HCN1: variants seen among roughly 807,000 people sequenced by gnomAD.
HCN1 encodes hyperpolarization activated cyclic nucleotide gated potassium channel 1, also known as potassium/sodium hyperpolarization-activated cyclic nucleotide-gated channel 1.
Under a neutral mutation model 78.9 loss-of-function variants are expected in HCN1, and 13 were observed. That is an observed-to-expected ratio of 0.16 (90% CI 0.11 to 0.26). The LOEUF (loss-of-function observed/expected upper bound fraction) is 0.26, where lower values mean the gene tolerates loss of function less well. HCN1 is among the 10% of genes least tolerant of loss of function. HCN1 has a pLI of 1.00. For missense variants in HCN1, 810 were observed against 1,154.3 expected (o/e 0.70, Z 4.32); for synonymous variants, 552 against 455.5 (o/e 1.21, Z -2.70).
intron 4 of HCN1, among the ~76,000 whole-genome samples, chr5:45,373,197 A>T (rs1747466119): frequency 8.1e-6 from 1 of 122,736 alleles, no homozygotes; most frequent in Admixed American, 9.5e-5. Context: ...TATGTATTTT[A>T]TATATTTTAT....
intron 3 of HCN1, among the ~76,000 whole-genome samples, chr5:45,446,750 A>G (rs1579900693): frequency 3.3e-5 from 5 of 152,200 alleles, no homozygotes; most frequent in Admixed American, 2.6e-4. Context: ...CTTAAAGAAA[A>G]GAATTTTCAA....
intron 2 of HCN1, among the ~76,000 whole-genome samples, chr5:45,488,377 T>C (rs930694884): frequency 6.6e-6 from 1 of 152,104 alleles, no homozygotes; most frequent in Non-Finnish European, 1.5e-5. Flanking sequence ...TAAGTACTTG[T>C]TAAAAGACTA....
intron 3 of HCN1, among the ~76,000 whole-genome samples, chr5:45,404,807 T>C (rs1294990765): frequency 1.3e-5 from 2 of 151,118 alleles, no homozygotes; most frequent in Non-Finnish European, 2.9e-5. Flanking sequence ...AGCCACTCAG[T>C]AGCCTGCCAT....
At chr5:45,338,887 G>A (rs969643287) in intron 5 of HCN1, among the ~76,000 whole-genome samples, 8 of 152,136 alleles carry the variant, frequency 5.3e-5, no homozygotes, top group African/African-American at 1.2e-4. Flanking sequence ...TCTGCCATAC[G>A]TTTCTTTACT....
At chr5:45,425,164 T>C (rs2112071353) in intron 3 of HCN1, among the ~76,000 whole-genome samples, 1 of 152,322 alleles carries the variant, frequency 6.6e-6, no homozygotes, top group East Asian at 1.9e-4. Flanking sequence ...CCGGGCATAA[T>C]ATAAAATCAA....
At chr5:45,320,234 A>T (rs1336354790) in intron 5 of HCN1, among the ~76,000 whole-genome samples, 8 of 151,858 alleles carry the variant, frequency 5.3e-5, no homozygotes, top group African/African-American at 1.9e-4. Context: ...AAATATATGG[A>T]AGCAAATCTA....
At chr5:45,525,031 C>A (rs1253364809) in intron 2 of HCN1, among the ~76,000 whole-genome samples, 1 of 152,066 alleles carries the variant, frequency 6.6e-6, no homozygotes, top group East Asian at 1.9e-4. Flanking sequence ...AGATACGTCC[C>A]ATCAATACCT....
chr5:45,626,600 G>T (rs764174244), intron 2 of HCN1, among the ~76,000 whole-genome samples: 5 of 152,126 alleles, frequency 3.3e-5, no homozygotes, highest in Non-Finnish European at 5.9e-5. Flanking sequence ...ATTTGTGAAG[G>T]TTAAGATCTG....
At chr5:45,580,446 A>G (rs1744040818) in intron 2 of HCN1, among the ~76,000 whole-genome samples, 1 of 152,104 alleles carries the variant, frequency 6.6e-6, no homozygotes, top group Non-Finnish European at 1.5e-5. Flanking sequence ...GATTACAGAA[A>G]AAAATGCAGC....
At chr5:45,349,095 T>A (rs972888644) in intron 5 of HCN1, among the ~76,000 whole-genome samples, 1 of 152,088 alleles carries the variant, frequency 6.6e-6, no homozygotes, top group African/African-American at 2.4e-5. Flanking sequence ...ACACCACACC[T>A]CTTCCAAAAT....
chr5:45,641,678 G>A (rs567908349), intron 2 of HCN1: 2 of 152,086 alleles, frequency 1.3e-5, no homozygotes, highest in South Asian at 4.1e-4. Context: ...GTCCTACAAA[G>A]AGATAATCAT....
At chr5:45,616,779 A>C (rs2111987783) in intron 2 of HCN1, among the ~76,000 whole-genome samples, 1 of 152,162 alleles carries the variant, frequency 6.6e-6, no homozygotes, top group South Asian at 2.1e-4. Flanking sequence ...ATAGGAAAAG[A>C]AAATAGGAAA....
intron 4 of HCN1, among the ~76,000 whole-genome samples, chr5:45,376,618 A>G (rs1279682489): frequency 6.6e-6 from 1 of 151,846 alleles, no homozygotes; most frequent in African/African-American, 2.4e-5. Flanking sequence ...AAGTTTGCAA[A>G]GAATGTTTAA....
intron 3 of HCN1, among the ~76,000 whole-genome samples, chr5:45,455,154 G>A (rs184284115): frequency 6.6e-6 from 1 of 151,954 alleles, no homozygotes; most frequent in East Asian, 1.9e-4. Context: ...GTACTCCCTG[G>A]GTATCTAAAT....
intron 2 of HCN1, among the ~76,000 whole-genome samples, chr5:45,544,140 G>A (rs916542567): frequency 1.2e-4 from 19 of 152,164 alleles, no homozygotes; most frequent in African/African-American, 4.6e-4. Flanking sequence ...GGAATAAAAT[G>A]TATTGGTACT....
intron 1 of HCN1, among the ~76,000 whole-genome samples, chr5:45,650,337 T>G (rs1406039224): frequency 6.6e-6 from 1 of 152,066 alleles, no homozygotes; most frequent in Non-Finnish European, 1.5e-5. Context: ...CTGGAATCTC[T>G]GTGGTATCCT....
intron 1 of HCN1, among the ~76,000 whole-genome samples, chr5:45,689,084 G>A (rs920120110): frequency 6.6e-6 from 1 of 151,978 alleles, no homozygotes; most frequent in Non-Finnish European, 1.5e-5. Context: ...CTGCATAACT[G>A]TGAACTTACT....
rs35781186 is a variant in HCN1 at position 45,492,392 on chromosome 5, AATATATAT to A, written c.850-30393_850-30386del. 1.5e-3 allele frequency among the ~76,000 whole-genome samples: 179 copies of A among 121,374 alleles called. 1 individual carries two copies. Among genetic ancestry groups the A allele is most frequent in the African/African-American group, 5.0e-3 (155 of 30,902 alleles). The allele number at this position is 121,374 out of a possible 152,430, so 79.6% of individuals were successfully genotyped here. The stretch of plus-strand genomic sequence containing the variant: ...AGAGGATCTTAGACTTCTTTAAATG[AATATATAT>A]ATATATATATATATATATATATAAA... On this transcript the variant is annotated intron_variant, in intron 2 of 7. Coordinates refer to ENST00000303230, the MANE Select transcript of HCN1 (RefSeq NM_021072.4).
intron 2 of HCN1, among the ~76,000 whole-genome samples, chr5:45,464,480 T>C (rs978791438): frequency 2.0e-5 from 3 of 152,122 alleles, no homozygotes; most frequent in Non-Finnish European, 4.4e-5. Context: ...GTCTCCCTTA[T>C]GGACATTAAT....
Sources: gnomAD v4.1 joint callset for allele counts (sites outside exome capture counted in the v4.1 genomes callset) on GRCh38, gnomAD v4.1.1 for gene constraint, MANE v1.5 for transcripts, NCBI Gene and HGNC (gene_info 2026-07-23, HGNC 2026-07-21) for gene names.